PSAP: variants seen among roughly 807,000 people sequenced by gnomAD.
The protein encoded by PSAP is precursor of saposins.
In PSAP, 25 loss-of-function variants were observed where a neutral mutation model predicts 66.0. The observed-to-expected ratio is 0.38, with a 90% CI of 0.28 to 0.53. PSAP has a LOEUF of 0.53. PSAP is among the 20% of genes least tolerant of loss of function. The pLI is 0.83. For synonymous variants in PSAP, 273 were observed against 258.9 expected (o/e 1.05, Z -0.52); for missense variants, 649 against 668.8 (o/e 0.97, Z 0.33).
At chr10:71,827,067 A>C (rs1475443765) in intron 6 of PSAP, among the ~76,000 whole-genome samples, 2 of 152,176 alleles carry the variant, frequency 1.3e-5, no homozygotes, top group African/African-American at 4.8e-5. Context: ...CACAGCTGGA[A>C]TTCTCAGTGT....
chr10:71,832,675 G>C (rs1842543038), intron 2 of PSAP, among the ~76,000 whole-genome samples: 1 of 152,074 alleles, frequency 6.6e-6, no homozygotes, highest in Non-Finnish European at 1.5e-5. Context: ...GGATGCTCAA[G>C]TTCCACAGAC....
intron 1 of PSAP, among the ~76,000 whole-genome samples, 166 bp from the exon 2 acceptor site, chr10:71,834,671 G>A (rs1334041522): frequency 6.6e-6 from 1 of 152,174 alleles, no homozygotes; most frequent in Non-Finnish European, 1.5e-5. Flanking sequence ...GCCTGTCCCG[G>A]TCAAGAAGCT....
intron 7 of PSAP, chr10:71,823,817 A>C (rs1449168281): frequency 6.9e-5 from 30 of 434,268 alleles, no homozygotes; most frequent in Middle Eastern, 4.1e-4. Flanking sequence ...TGCCATACCC[A>C]AAAAAAAAAA....
chr10:71,817,554 C>A, intron 13 of PSAP, 78 bp from the exon 14 acceptor site: 1 of 1,392,904 alleles, frequency 7.2e-7, no homozygotes, highest in South Asian at 1.2e-5. Flanking sequence ...TCAGATATCA[C>A]CCCAAAACAG....
intron 9 of PSAP, 41 bp from the exon 10 acceptor site, chr10:71,819,941 G>C (rs770084844): frequency 6.4e-7 from 1 of 1,551,314 alleles, no homozygotes; most frequent in Non-Finnish European, 8.9e-7. Flanking sequence ...ACGGGAGGCC[G>C]GACAAGGGTT....
chr10:71,819,046 A>C lies in PSAP; in HGVS notation c.1416T>G (p.Pro472=). The change falls in exon 12 of 14, where the codon CCT becomes CCG. Residue 472 remains proline (P), a synonymous_variant. Transcript: ENST00000394936. ...LIEILVEVMD[P]SFVCLKIGAC... is the part of the protein sequence containing the mutation. ...TGAGGCTCACCAAGCACACGAAGGAAGGATCCATCACCTCCACCAGGATCT... is the reference window on the plus strand; with the variant it reads ...TGAGGCTCACCAAGCACACGAAGGACGGATCCATCACCTCCACCAGGATCT... The C allele has an allele frequency of 6.2e-7, 1 of 1,614,062 alleles. No homozygotes were observed. Among genetic ancestry groups the C allele is most frequent in the Non-Finnish European group, 8.5e-7 (1 of 1,179,886 alleles).
intron 5 of PSAP, among the ~76,000 whole-genome samples, chr10:71,828,470 A>G (rs746058825): frequency 3.9e-5 from 6 of 152,090 alleles, no homozygotes; most frequent in Non-Finnish European, 7.4e-5. Context: ...AGTCTGAGCA[A>G]CATGGCAAAA....
At chr10:71,830,901 G>A (rs533855453) in intron 4 of PSAP, among the ~76,000 whole-genome samples, 1 of 152,170 alleles carries the variant, frequency 6.6e-6, no homozygotes, top group African/African-American at 2.4e-5. Flanking sequence ...TCAGCAGTCC[G>A]ACCAGTCCCC....
intron 2 of PSAP, among the ~76,000 whole-genome samples, chr10:71,833,710 G>A (rs1489503565): frequency 6.6e-6 from 1 of 152,216 alleles, no homozygotes; most frequent in African/African-American, 2.4e-5. Flanking sequence ...TCTCCTGAGA[G>A]GGCTTGGGAC....
In PSAP at chr10:71,851,038, C is replaced by T. The variant is rs1360326471; in HGVS notation, c.40+144G>A. 5.2e-6 allele frequency: 5 copies of T among 966,078 alleles called. No homozygotes were observed. The African/African-American group carries it at 6.5e-5, about 13-fold the overall frequency. 59.8% of individuals were successfully genotyped at this position (966,078 alleles called of 1,614,324 possible). ...GCCGCCCAGAGAAAGCCAGAGAAAG[C>T]CAGCGAACGCGCCTGCGCAGTGCGC... On this transcript the variant is annotated intron_variant, in intron 1 of 13. Coordinates refer to ENST00000394936, the MANE Select transcript of PSAP (RefSeq NM_002778.4).
In PSAP at chr10:71,823,922, G is replaced by A. The variant is rs759960679; in HGVS notation, c.777+1915C>T. Reference sequence around the variant, plus strand: ...CTGTTGAACAAAAAAACAGGAAATCGGAGGTGAAAATAAGAGAAAGGAAAG... The same window carrying A: ...CTGTTGAACAAAAAAACAGGAAATCAGAGGTGAAAATAAGAGAAAGGAAAG... On this transcript the variant is annotated intron_variant, in intron 7 of 13. Coordinates refer to ENST00000394936, the MANE Select transcript of PSAP (RefSeq NM_002778.4). The A allele has an allele frequency of 2.2e-5, 29 of 1,292,784 alleles. No homozygotes were observed. The highest frequency in any genetic ancestry group is 2.1e-4 in the Middle Eastern group (1 of 4,722). The allele number at this position is 1,292,784 out of a possible 1,614,324, so 80.1% of individuals were successfully genotyped here. A position where few individuals can be genotyped will look rare whatever the true frequency, so the allele number is the denominator to read the frequency against.
rs1336801611 is a variant in PSAP, at chr10:71,851,190, A to T, written c.32T>A (p.Leu11Gln). The change falls in exon 1 of 14, where the codon CTG becomes CAG. Residue 11 changes from leucine (L) to glutamine (Q), a missense_variant. Leu to Gln is a moderately radical substitution (Grantham distance 113, BLOSUM62 -2). Coordinates refer to ENST00000394936, the MANE Select transcript of PSAP (RefSeq NM_002778.4). MYALFLLASL[L>Q]GAALAGPVLG... ...AGGGTCCCAGGGCTTACCCGCGCCC[A>T]GGAGGCTGGCCAGGAGGAAGAGGGC... The T allele has an allele frequency of 6.4e-7, 1 of 1,551,096 alleles. No homozygotes were observed. The highest frequency in any genetic ancestry group is 8.7e-7 in the Non-Finnish European group (1 of 1,146,822).
chr10:71,842,005 T>TAAA (rs35837949), intron 1 of PSAP, among the ~76,000 whole-genome samples: 13 of 141,394 alleles, frequency 9.2e-5, no homozygotes, highest in African/African-American at 3.4e-4. Context: ...GACTCCGTCT[T>TAAA]AAAAAAAAAA....
intron 1 of PSAP, among the ~76,000 whole-genome samples, chr10:71,842,270 A>G (rs889624904): frequency 3.9e-5 from 6 of 152,254 alleles, no homozygotes; most frequent in Admixed American, 3.3e-4. Context: ...AGCAGCTAAT[A>G]ATCCAGCCAG....
At chr10:71,835,233 A>AATAAATAAATAAATAAATAAATAT (rs1842598080) in intron 1 of PSAP, among the ~76,000 whole-genome samples, 1 of 151,120 alleles carries the variant, frequency 6.6e-6, no homozygotes, top group Non-Finnish European at 1.5e-5. Context: ...TAAATAAATA[A>AATAAATAAATAAATAAATAAATAT]ATAAATAAAT....
In PSAP at chr10:71,817,084, G is replaced by A. The variant is rs1220304414; in HGVS notation, c.*357C>T. The A allele has an allele frequency of 7.3e-6, 3 of 410,922 alleles. No homozygotes were observed. The highest frequency in any genetic ancestry group is 1.4e-5 in the Non-Finnish European group (3 of 219,332). 25.5% of individuals were successfully genotyped at this position (410,922 alleles called of 1,614,324 possible). A position where few individuals can be genotyped will look rare whatever the true frequency, so the allele number is the denominator to read the frequency against. On this transcript the variant is annotated 3_prime_UTR_variant, in exon 14 of 14. Transcript: ENST00000394936. ...CACCAGTGCCCAAGCACATGTCAGGGCTCAGAACAAGGCCTCAACCAAGAG... is the reference window on the plus strand; with the variant it reads ...CACCAGTGCCCAAGCACATGTCAGGACTCAGAACAAGGCCTCAACCAAGAG...
At chr10:71,827,587 C>T (rs1286801448) in intron 6 of PSAP, among the ~76,000 whole-genome samples, 1 of 151,358 alleles carries the variant, frequency 6.6e-6, no homozygotes. Flanking sequence ...ATTAGCTGGG[C>T]GTGATTGCAC....
At chr10:71,833,845 T>A (rs141319467) in intron 2 of PSAP, among the ~76,000 whole-genome samples, 1 of 152,302 alleles carries the variant, frequency 6.6e-6, no homozygotes, top group East Asian at 1.9e-4. Context: ...GGAAACCAAT[T>A]TTAAATGGCA....
intron 1 of PSAP, among the ~76,000 whole-genome samples, chr10:71,839,970 A>G (rs772643020): frequency 3.3e-5 from 5 of 152,192 alleles, no homozygotes; most frequent in Non-Finnish European, 7.4e-5. Context: ...AGGTCTCCCA[A>G]CAAGTGTTTC....
Sources: gnomAD v4.1 joint callset for allele counts (sites outside exome capture counted in the v4.1 genomes callset) on GRCh38, gnomAD v4.1.1 for gene constraint, MANE v1.5 for transcripts, NCBI Gene and HGNC (gene_info 2026-07-23, HGNC 2026-07-21) for gene names.